Variants in POSTN observed in about 807,000 individuals in gnomAD.
POSTN encodes periostin, also known as osteoblast specific factor 2 (fasciclin I-like).
POSTN carries 71 observed loss-of-function variants against 104.5 expected under a neutral mutation model. That is an observed-to-expected ratio of 0.68 (90% confidence interval 0.56 to 0.83). The LOEUF is 0.83. Among genes scored for constraint, POSTN ranks in the 40% least tolerant of loss-of-function variants. POSTN has a pLI of 0.00. For missense variants in POSTN, 949 were observed against 1,006.8 expected (o/e 0.94, Z 0.78); for synonymous variants, 355 against 340.7 (o/e 1.04, Z -0.46).
chr13:37,574,809 C>T (rs951552499), intron 16 of POSTN, among the ~76,000 whole-genome samples, 157 bp from the exon 17 acceptor site: 5 of 150,456 alleles, frequency 3.3e-5, no homozygotes, highest in African/African-American at 9.8e-5. Flanking sequence ...ATTTATGGTA[C>T]ATAATATAAT....
At chr13:37,582,756 G>T (rs1467897229) in intron 9 of POSTN, among the ~76,000 whole-genome samples, 3 of 152,182 alleles carry the variant, frequency 2.0e-5, no homozygotes, top group East Asian at 3.8e-4. Context: ...CAATCAATGA[G>T]TTTCACCTCT....
chr13:37,579,438 C>CT, intron 12 of POSTN, 79 bp from the exon 13 acceptor site: 1 of 1,173,138 alleles, frequency 8.5e-7, no homozygotes, highest in Non-Finnish European at 1.2e-6. Context: ...ACTTATTAGT[C>CT]TTTATCTTTT....
At position 37,563,360 on chromosome 13, in the gene POSTN, T is replaced by C. The variant is rs370797886; in HGVS notation, c.2484A>G (p.Arg828=). Residue 828 remains arginine (R), a synonymous_variant, in exon 23 of 23, where the codon AGA becomes AGG. Transcript: ENST00000379747. ...ACTGAGAACGACCTTCCCTTAATCG[T>C]CTTCTAGATCCTAATTAGAAAGAAA... ...QANKKVQGSR[R]RLREGRSQ is the part of the protein sequence containing the mutation. 22 of 1,584,878 alleles carry C rather than the reference T, an allele frequency of 1.4e-5. No individual in the cohort carries two copies. The highest frequency in any genetic ancestry group is 1.7e-5 in the Non-Finnish European group (20 of 1,158,208).
intron 16 of POSTN, 21 bp downstream of exon 16, chr13:37,577,732 C>G: frequency 6.2e-7 from 1 of 1,606,570 alleles, no homozygotes; most frequent in Non-Finnish European, 8.5e-7. Context: ...CCCAGGTGGC[C>G]AATATTTATT....
chr13:37,598,429 A>C (rs2138429500), intron 1 of POSTN, among the ~76,000 whole-genome samples, 179 bp downstream of exon 1: 1 of 152,318 alleles, frequency 6.6e-6, no homozygotes, highest in South Asian at 2.1e-4. Flanking sequence ...ATTAAGTCTT[A>C]AAGCTTAAAA....
chr13:37,576,329 T>G (rs1950407718), intron 16 of POSTN, among the ~76,000 whole-genome samples: 1 of 152,118 alleles, frequency 6.6e-6, no homozygotes, highest in African/African-American at 2.4e-5. Flanking sequence ...AATAACAGCA[T>G]ACCGTCTAAG....
chr13:37,585,530 T>A (rs1308308042), intron 7 of POSTN, among the ~76,000 whole-genome samples: 2 of 152,164 alleles, frequency 1.3e-5, no homozygotes, highest in Non-Finnish European at 2.9e-5. Flanking sequence ...AGGCAACTTC[T>A]AGAAAGTAAC....
chr13:37,598,711 G>T lies in POSTN; in HGVS notation c.16C>A (p.Pro6Thr). Reference sequence around the variant, plus strand: ...AGCAGCAATAGTAGAGAAAACATGGGTAAAAAGGGAATCATCTTGAGTCTC... The same window carrying T: ...AGCAGCAATAGTAGAGAAAACATGGTTAAAAAGGGAATCATCTTGAGTCTC... MIPFL[P>T]MFSLLLLLIV... The change falls in exon 1 of 23, where the codon CCC (proline) becomes ACC (threonine). Residue 6 changes from proline to threonine, a missense_variant. Transcript: ENST00000379747. 6.2e-7 allele frequency: 1 copy of T among 1,613,000 alleles called. No individual in the cohort carries two copies. Among genetic ancestry groups the T allele is most frequent in the South Asian group, 1.1e-5 (1 of 91,024 alleles).
chr13:37,570,508 T>C (rs1950232697), intron 19 of POSTN, 72 bp downstream of exon 19: 9 of 998,926 alleles, frequency 9.0e-6, no homozygotes, highest in Non-Finnish European at 1.4e-5. Context: ...TAATGATTCT[T>C]ATATTTGGGG....
rs1372034369 is a variant in POSTN, at chr13:37,579,761, G to C, written c.1660+100C>G. On this transcript the variant is annotated intron_variant, in intron 12 of 22. Coordinates refer to ENST00000379747, the MANE Select transcript of POSTN (RefSeq NM_006475.3). ...ACTAAAGCTAACCATGAATACCAGA[G>C]AGGGGGCATTTTTAAGGCAGACATC... 7 of 1,321,582 alleles carry C rather than the reference G, an allele frequency of 5.3e-6. No homozygotes were observed. In the East Asian group the frequency reaches 9.6e-5, roughly 18 times the overall value. The allele number at this position is 1,321,582 out of a possible 1,614,324, so 81.9% of individuals were successfully genotyped here.
In POSTN at chr13:37,569,694, TA is replaced by T. The variant is rs1176128524; in HGVS notation, c.2347+49del. On this transcript the variant is annotated intron_variant, in intron 20 of 22. Coordinates refer to ENST00000379747, the MANE Select transcript of POSTN (RefSeq NM_006475.3). ...TGTAGAATGTTATTTTAGACTTGTA[TA>T]TGGATAGCTTAGGTAAAGTCACATT... The T allele has an allele frequency of 2.3e-6, 3 of 1,286,630 alleles. No individual in the cohort carries two copies. The African/African-American group carries it at 4.4e-5, about 19-fold the overall frequency. 79.7% of individuals were successfully genotyped at this position (1,286,630 alleles called of 1,614,324 possible).
At position 37,568,001 on chromosome 13, in the gene POSTN, G is replaced by A. The variant is rs897348488; in HGVS notation, c.2431+1299C>T. Among the ~76,000 whole-genome samples the A allele has an allele frequency of 1.5e-4, 15 of 101,264 alleles. No homozygotes were observed. In the Admixed American group the frequency reaches 1.5e-3, roughly 10 times the overall value. The allele number at this position is 101,264 out of a possible 152,430, so 66.4% of individuals were successfully genotyped here. A position where few individuals can be genotyped will look rare whatever the true frequency, so the allele number is the denominator to read the frequency against. The stretch of plus-strand genomic sequence containing the variant: ...CTACAAAGCTGCTTACTATGGCAAG[G>A]ACTGAAAGAAAAAAAAAAGAATTCA... On this transcript the variant is annotated intron_variant, in intron 21 of 22. Transcript: ENST00000379747.
chr13:37,572,904 G>A (rs1408622042), intron 17 of POSTN, among the ~76,000 whole-genome samples: 1 of 151,478 alleles, frequency 6.6e-6, no homozygotes, highest in Non-Finnish European at 1.5e-5. Context: ...ATAAATATTT[G>A]TTTCCTTCAT....
At chr13:37,589,570 T>C (rs1950863601) in intron 4 of POSTN, among the ~76,000 whole-genome samples, 1 of 152,032 alleles carries the variant, frequency 6.6e-6, no homozygotes, top group Non-Finnish European at 1.5e-5. Flanking sequence ...CATTGCTCAA[T>C]TCTTTAAGGC....
chr13:37,578,985 A>T, intron 14 of POSTN, 34 bp downstream of exon 14: 1 of 1,603,224 alleles, frequency 6.2e-7, no homozygotes, highest in Non-Finnish European at 8.5e-7. Flanking sequence ...TTAAAAAAAG[A>T]CTTAGCCTAT....
intron 21 of POSTN, among the ~76,000 whole-genome samples, chr13:37,566,301 A>C (rs1163977065): frequency 1.3e-5 from 2 of 152,204 alleles, no homozygotes; most frequent in African/African-American, 4.8e-5. Flanking sequence ...TAAAGCATGC[A>C]AAGTACTCAG....
intron 9 of POSTN, 59 bp downstream of exon 9, chr13:37,583,910 A>T: frequency 6.4e-7 from 1 of 1,552,766 alleles, no homozygotes; most frequent in Non-Finnish European, 8.7e-7. Flanking sequence ...GCAAACAATC[A>T]TCATAAAGAA....
At chr13:37,569,414 G>A in intron 20 of POSTN, 31 bp from the exon 21 acceptor site, 1 of 1,529,576 alleles carries the variant, frequency 6.5e-7, no homozygotes, top group Non-Finnish European at 9.0e-7. Context: ...AGCAGAAATT[G>A]GTTTATATAA....
intron 7 of POSTN, 118 bp from the exon 8 acceptor site, chr13:37,585,046 T>A (rs1275625817): frequency 1.4e-6 from 2 of 1,438,736 alleles, no homozygotes; most frequent in African/African-American, 2.9e-5. Context: ...AACCTAAGGA[T>A]TCACTAACAG....
Sources: allele counts gnomAD v4.1 joint callset (sites outside exome capture counted in the v4.1 genomes callset), GRCh38; gene constraint gnomAD v4.1.1; transcripts MANE v1.5; gene names NCBI Gene and HGNC (gene_info 2026-07-23, HGNC 2026-07-21).